DNAH10: variants seen among roughly 807,000 people sequenced by gnomAD.
The protein encoded by DNAH10 is dynein axonemal heavy chain 10.
Under a neutral mutation model 506.6 loss-of-function variants are expected in DNAH10, and 348 were observed. The ratio of observed to expected loss-of-function variants is 0.69; its 90% CI spans 0.63 to 0.75. DNAH10 has a LOEUF of 0.75. Ranked by LOEUF, DNAH10 falls within the 30% of genes least tolerant of loss-of-function variation. The pLI, the probability that DNAH10 is intolerant of heterozygous loss-of-function variation, is 0.00. For synonymous variants in DNAH10, 2,059 were observed against 2,198.6 expected (o/e 0.94, Z 1.78); for missense variants, 5,179 against 5,787.1 (o/e 0.89, Z 3.41).
At chr12:123,783,548 G>A (rs1957740547) in intron 7 of DNAH10, among the ~76,000 whole-genome samples, 1 of 152,204 alleles carries the variant, frequency 6.6e-6, no homozygotes, top group Admixed American at 6.5e-5. Flanking sequence ...AACTAAGAAA[G>A]CAAATTCCTT....
At chr12:123,773,784 G>T (rs1039460523) in intron 4 of DNAH10, among the ~76,000 whole-genome samples, 1 of 152,200 alleles carries the variant, frequency 6.6e-6, no homozygotes, top group Non-Finnish European at 1.5e-5. Flanking sequence ...GGGGATTTAA[G>T]CTTCAACATG....
Position 123,897,847 on chromosome 12 carries a change from C to A in DNAH10, c.9358C>A (p.His3120Asn). The A allele has an allele frequency of 6.2e-7, 1 of 1,611,524 alleles. No homozygotes were observed. The highest frequency in any genetic ancestry group is 1.1e-5 in the South Asian group (1 of 90,176). Residue 3120 changes from histidine (H) to asparagine (N), a missense_variant, in exon 55 of 79, where the codon CAC (histidine) becomes AAC (asparagine). Coordinates refer to ENST00000673944, the MANE Select transcript of DNAH10 (RefSeq NM_001372106.1). Reference sequence around the variant, plus strand: ...TGTCTTGGTTCACCAATCCGTGGACCACTACAGCCAACAGTTTCTACAGAA... The same window carrying A: ...TGTCTTGGTTCACCAATCCGTGGACAACTACAGCCAACAGTTTCTACAGAA... ...HVVLVHQSVD[H>N]YSQQFLQKLR... is the part of the protein sequence containing the mutation.
At chr12:123,781,398 T>A in intron 6 of DNAH10, 99 bp downstream of exon 6, 1 of 1,181,988 alleles carries the variant, frequency 8.5e-7, no homozygotes, top group Non-Finnish European at 1.2e-6. Context: ...TTTTGGAACA[T>A]TTTTGTTTGT....
At chr12:123,765,027 T>C (rs1956966852) in intron 1 of DNAH10, among the ~76,000 whole-genome samples, 1 of 152,094 alleles carries the variant, frequency 6.6e-6, no homozygotes, top group Non-Finnish European at 1.5e-5. Flanking sequence ...CAGGTGGTTC[T>C]GGTCTGTTCA....
At position 123,875,259 on chromosome 12, in the gene DNAH10, T is replaced by C; in HGVS notation, c.7967T>C (p.Ile2656Thr). 11 of 1,612,008 alleles carry C rather than the reference T, an allele frequency of 6.8e-6. No individual in the cohort carries two copies. Among genetic ancestry groups the C allele is most frequent in the African/African-American group, 1.3e-5 (1 of 75,022 alleles). ...RVDEYGTQQP[I>T]ALLKLLLEKG... ...GATGAATATGGCACGCAGCAGCCCA[T>C]TGCCTTGCTGAAGCTGCTGTTGGAA... The change falls in exon 47 of 79, where the codon ATT (isoleucine) becomes ACT (threonine). Residue 2656 changes from isoleucine to threonine, a missense_variant. Physicochemically the swap from Ile to Thr is moderately conservative, Grantham distance 89. Coordinates refer to ENST00000673944, the MANE Select transcript of DNAH10 (RefSeq NM_001372106.1).
Position 123,913,179 on chromosome 12 carries a change from G to C in DNAH10, c.10216G>C (p.Glu3406Gln), listed in dbSNP as rs1954308409. The C allele has an allele frequency of 6.2e-6, 10 of 1,611,374 alleles. No homozygotes were observed. The highest frequency in any genetic ancestry group is 8.5e-6 in the Non-Finnish European group (10 of 1,179,116). The change falls in exon 60 of 79, where the codon GAG becomes CAG. Residue 3406 changes from glutamate to glutamine, a missense_variant. This residue lies in a region of DNAH10 where 4,844 missense variants were observed against 5,430.5 expected (regional missense o/e 0.89). Transcript: ENST00000673944. The surrounding 1 kb of genome is among the most constrained non-coding windows in gnomAD (Gnocchi z 5.1). Reference sequence around the variant, plus strand: ...GAATGAGTTGGCAGCAATTCAGAAAGAGCTGGAAACATTGGGTGCCAAATA... The same window carrying C: ...GAATGAGTTGGCAGCAATTCAGAAACAGCTGGAAACATTGGGTGCCAAATA... ...IQNELAAIQK[E>Q]LETLGAKYEA...
Position 123,935,578 on chromosome 12 carries a change from AG to A in DNAH10, c.*102del. 7.7e-7 allele frequency: 1 copy of A among 1,305,538 alleles called. No homozygotes were observed. The highest frequency in any genetic ancestry group is 1.0e-6 in the Non-Finnish European group (1 of 959,944). 80.9% of individuals were successfully genotyped at this position (1,305,538 alleles called of 1,614,324 possible). A position where few individuals can be genotyped will look rare whatever the true frequency, so the allele number is the denominator to read the frequency against. The stretch of plus-strand genomic sequence containing the variant: ...TTCTTGGGGCCTCTCAAGAGGCAGG[AG>A]GGGGACTGACACTGATTTTTCATTT... On this transcript the variant is annotated 3_prime_UTR_variant, in exon 79 of 79. Coordinates refer to ENST00000673944, the MANE Select transcript of DNAH10 (RefSeq NM_001372106.1).
intron 72 of DNAH10, 157 bp from the exon 73 acceptor site, chr12:123,930,245 A>G: frequency 1.5e-6 from 1 of 646,628 alleles, no homozygotes; most frequent in Non-Finnish European, 2.5e-6. Flanking sequence ...TTGTGTGAAC[A>G]GTGGCCCGAA....
In DNAH10 at chr12:123,902,575, G is replaced by A. The variant is rs533646861; in HGVS notation, c.9641-364G>A. On this transcript the variant is annotated intron_variant, in intron 56 of 78. Coordinates refer to ENST00000673944, the MANE Select transcript of DNAH10 (RefSeq NM_001372106.1). The surrounding 1 kb of genome is among the most constrained non-coding windows in gnomAD (Gnocchi z 4.5). ...GCGTAGGAAGAGGCGATGAGAGGCA[G>A]AAGGAGGAGATCGCAGGGAGCCGGT... Among the ~76,000 whole-genome samples the A allele has an allele frequency of 6.6e-5, 10 of 152,308 alleles. No individual in the cohort carries two copies. The highest frequency in any genetic ancestry group is 1.3e-4 in the Non-Finnish European group (9 of 68,024).
At chr12:123,839,662 A>ATTTTTTT (rs34822711) in intron 29 of DNAH10, among the ~76,000 whole-genome samples, 1 of 114,822 alleles carries the variant, frequency 8.7e-6, no homozygotes, top group African/African-American at 3.4e-5. Flanking sequence ...TTTCTTTTCT[A>ATTTTTTT]TTTTTTTTTT....
At chr12:123,831,089 TA>T (rs1315475172) in intron 26 of DNAH10, among the ~76,000 whole-genome samples, 1 of 152,216 alleles carries the variant, frequency 6.6e-6, no homozygotes, top group African/African-American at 2.4e-5. Flanking sequence ...TTCCATTGTT[TA>T]AAAAAATTTT....
intron 57 of DNAH10, among the ~76,000 whole-genome samples, chr12:123,908,737 T>C (rs1400590615): frequency 6.6e-6 from 1 of 152,114 alleles, no homozygotes; most frequent in East Asian, 1.9e-4. Flanking sequence ...CAACATAGCC[T>C]GGAAAGAGCC....
intron 2 of DNAH10, among the ~76,000 whole-genome samples, chr12:123,771,360 A>C (rs903820150): frequency 1.3e-5 from 2 of 152,210 alleles, no homozygotes; most frequent in Non-Finnish European, 2.9e-5. Flanking sequence ...ACCTGAGAGA[A>C]CGCAGACACA....
intron 1 of DNAH10, among the ~76,000 whole-genome samples, chr12:123,766,869 C>CT (rs1407486166): frequency 6.7e-6 from 1 of 149,724 alleles, no homozygotes; most frequent in Non-Finnish European, 1.5e-5. Context: ...AGTTGAGCCT[C>CT]TTTTTTTCCC....
At position 123,933,395 on chromosome 12, in the gene DNAH10, C is replaced by T. The variant is rs200754616; in HGVS notation, c.13361C>T (p.Thr4454Met). 150 of 1,611,570 alleles carry T rather than the reference C, an allele frequency of 9.3e-5. No homozygotes were observed. Among genetic ancestry groups the T allele is most frequent in the Non-Finnish European group, 1.0e-4 (120 of 1,179,606 alleles). ...SGLHIPESYL[T>M]ALVQATCRKN... is the part of the protein sequence containing the mutation. Reference sequence around the variant, plus strand: ...CTGCACATCCCTGAGTCCTACCTCACGGCGCTGGTGCAGGCCACCTGCCGG... The same window carrying T: ...CTGCACATCCCTGAGTCCTACCTCATGGCGCTGGTGCAGGCCACCTGCCGG... The change falls in exon 77 of 79, where the codon ACG (threonine) becomes ATG (methionine). Residue 4454 changes from threonine (T) to methionine (M), a missense_variant. By Grantham distance (81) the Thr-to-Met change is moderately conservative. This residue lies in a region of DNAH10 where 4,844 missense variants were observed against 5,430.5 expected (regional missense o/e 0.89). Coordinates refer to ENST00000673944, the MANE Select transcript of DNAH10 (RefSeq NM_001372106.1).
At chr12:123,915,304 G>A (rs886153930) in intron 62 of DNAH10, among the ~76,000 whole-genome samples, 3 of 152,130 alleles carry the variant, frequency 2.0e-5, no homozygotes, top group Non-Finnish European at 2.9e-5. Flanking sequence ...ATTTTTTGGA[G>A]CTGAGGTGGG....
At chr12:123,789,264 T>A (rs1343001968) in intron 10 of DNAH10, among the ~76,000 whole-genome samples, 3 of 150,476 alleles carry the variant, frequency 2.0e-5, no homozygotes, top group African/African-American at 7.4e-5. Context: ...ACAAAAAATA[T>A]TTAACTTCTA....
At chr12:123,887,459 A>G (rs1210836467) in intron 52 of DNAH10, 146 bp downstream of exon 52, 2 of 937,244 alleles carry the variant, frequency 2.1e-6, no homozygotes, top group African/African-American at 1.7e-5. Flanking sequence ...CCCCTGAGAT[A>G]GGTCTCATTA....
In DNAH10 at chr12:123,866,864, C is replaced by T. The variant is rs112118106; in HGVS notation, c.7168-603C>T. 9.7e-3 allele frequency among the ~76,000 whole-genome samples: 1,484 copies of T among 152,304 alleles called. 10 individuals are homozygous for T. Among genetic ancestry groups the T allele is most frequent in the Non-Finnish European group, 0.017 (1,132 of 68,024 alleles). ...CAGAGATGGATGTGACAGTCACGTG[C>T]GGGTTGTGGCTCAACCACACCTAGG... is the stretch of plus-strand genomic sequence containing the variant. On this transcript the variant is annotated intron_variant, in intron 41 of 78. Transcript: ENST00000673944.
Sources: gnomAD v4.1 joint callset for allele counts (sites outside exome capture counted in the v4.1 genomes callset) on GRCh38, gnomAD v4.1.1 for gene constraint, gnomAD v4.1.1 regional missense constraint, Gnocchi (gnomAD v3.1) non-coding constraint, MANE v1.5 for transcripts, NCBI Gene and HGNC (gene_info 2026-07-23, HGNC 2026-07-21) for gene names.